The following GLI2 variants were observed in gnomAD, a reference collection of about 807,000 sequenced individuals.
GLI2 encodes the protein transcription activator GLI2.
In GLI2, 22 loss-of-function variants were observed where a neutral mutation model predicts 78.9. The ratio of observed to expected loss-of-function variants is 0.28; its 90% CI spans 0.20 to 0.40. The LOEUF is 0.40. GLI2 is among the 10% of genes least tolerant of loss of function. GLI2 has a pLI of 1.00. For synonymous variants in GLI2, 974 were observed against 963.7 expected, an observed-to-expected ratio of 1.01 and a Z score of -0.20; for missense variants, 2,097 against 2,213.2, an observed-to-expected ratio of 0.95 and a Z score of 1.05.
At chr2:120,948,456 A>G (rs535999309) in intron 3 of GLI2, among the ~76,000 whole-genome samples, 49 of 152,204 alleles carry the variant, frequency 3.2e-4, no homozygotes, top group African/African-American at 1.2e-3. Flanking sequence ...ACCTTCCCCA[A>G]ATGGTGGCAA....
chr2:120,796,473 C>A (rs1684399285), intron 1 of GLI2, among the ~76,000 whole-genome samples: 1 of 152,220 alleles, frequency 6.6e-6, no homozygotes, highest in African/African-American at 2.4e-5. Context: ...TCCCTTCTGG[C>A]CACTACTCAA....
intron 2 of GLI2, among the ~76,000 whole-genome samples, chr2:120,822,308 A>C (rs985555468): frequency 1.3e-5 from 2 of 152,254 alleles, no homozygotes; most frequent in African/African-American, 2.4e-5. Context: ...TGCTATGGGC[A>C]TAGTGCCCTG....
chr2:120,988,629 G>A lies in GLI2; in HGVS notation c.2664G>A (p.Leu888=), dbSNP rs1231772830. The change falls in exon 14 of 14, where the codon CTG becomes CTA. Residue 888 remains leucine, a synonymous_variant. Coordinates refer to ENST00000361492, the MANE Select transcript of GLI2 (RefSeq NM_001374353.1). ...AATGGPPPTP[L]PGLERMSLRT... The stretch of plus-strand genomic sequence containing the variant: ...CTGGCGGCCCCCCGCCCACTCCGCT[G>A]CCGGGCCTGGAGCGCATGAGCCTGC... 2 of 1,452,514 alleles carry A rather than the reference G, an allele frequency of 1.4e-6. No individual in the cohort carries two copies. The highest frequency in any genetic ancestry group is 5.0e-5 in the Admixed American group (2 of 40,226). The allele number at this position is 1,452,514 out of a possible 1,614,324, so 90.0% of individuals were successfully genotyped here. A position where few individuals can be genotyped will look rare whatever the true frequency, so the allele number is the denominator to read the frequency against.
intron 3 of GLI2, among the ~76,000 whole-genome samples, chr2:120,928,105 G>A (rs6750250): frequency 0.91 from 138,870 of 152,080 alleles, 63,623 homozygotes; most frequent in East Asian, 1. Flanking sequence ...TATCCCATCC[G>A]TCCTCCTTCC....
Position 120,986,320 on chromosome 2 carries a change from G to A in GLI2, c.1948G>A (p.Glu650Lys), listed in dbSNP as rs776972968. The A allele has an allele frequency of 6.8e-6, 11 of 1,613,334 alleles. No homozygotes were observed. Among genetic ancestry groups the A allele is most frequent in the South Asian group, 3.3e-5 (3 of 91,082 alleles). Reference protein sequence around the residue: ...SPGAQSSCSSEPSPLGSAPNN... With the variant: ...SPGAQSSCSSKPSPLGSAPNN... ...CGGGGCCCAGTCGTCCTGCAGCAGC[G>A]AGCCCTCTCCTCTGGGCAGTGCCCC... Residue 650 changes from glutamate (E) to lysine (K), a missense_variant, in exon 13 of 14, where the codon GAG (glutamate) becomes AAG (lysine). Glu to Lys is a moderately conservative substitution (Grantham distance 56, BLOSUM62 1). Transcript: ENST00000361492.
At chr2:120,939,525 G>A (rs1052638211) in intron 3 of GLI2, among the ~76,000 whole-genome samples, 8 of 152,198 alleles carry the variant, frequency 5.3e-5, no homozygotes, top group East Asian at 1.9e-4. Context: ...GTATTAATTC[G>A]TTTTGCTTTG....
chr2:120,852,598 A>C (rs868126883), intron 2 of GLI2, among the ~76,000 whole-genome samples: 2 of 152,166 alleles, frequency 1.3e-5, no homozygotes, highest in African/African-American at 4.8e-5. Context: ...CAGGGGAGGT[A>C]GCTGTTTATG....
rs746377399 is a variant in GLI2 at position 120,968,856 on chromosome 2, C to A, written c.786C>A (p.Asn262Lys). 11 of 1,613,826 alleles carry A rather than the reference C, an allele frequency of 6.8e-6. No homozygotes were observed. The East Asian group carries it at 2.5e-4, about 36-fold the overall frequency. ...ACTCGCTAGTGGCCTACATCAACAA[C>A]TCCCGAAGCAGCTCGGCGGCCAGCG... is the stretch of plus-strand genomic sequence containing the variant. ...SPNSLVAYIN[N>K]SRSSSAASGS... Residue 262 changes from asparagine to lysine, a missense_variant, in exon 6 of 14, where the codon AAC (asparagine) becomes AAA (lysine). Coordinates refer to ENST00000361492, the MANE Select transcript of GLI2 (RefSeq NM_001374353.1).
At chr2:120,918,819 C>T (rs1235842154) in intron 2 of GLI2, among the ~76,000 whole-genome samples, 1 of 152,216 alleles carries the variant, frequency 6.6e-6, no homozygotes, top group African/African-American at 2.4e-5. Context: ...TTGGAACACT[C>T]ATTACTTGCT....
At chr2:120,782,490 G>C (rs769461087) in intron 1 of GLI2, among the ~76,000 whole-genome samples, 1 of 152,200 alleles carries the variant, frequency 6.6e-6, no homozygotes, top group South Asian at 2.1e-4. Context: ...AGATAACTGA[G>C]GTGTGGCGAA....
At chr2:120,751,707 CT>C (rs974239654) in intron 1 of GLI2, among the ~76,000 whole-genome samples, 16 of 152,102 alleles carry the variant, frequency 1.1e-4, no homozygotes, top group African/African-American at 3.6e-4. Flanking sequence ...GGGCCTTTTT[CT>C]GTTTATGTTT....
chr2:120,773,456 A>C (rs946529778), intron 1 of GLI2, among the ~76,000 whole-genome samples: 3 of 152,146 alleles, frequency 2.0e-5, no homozygotes, highest in Non-Finnish European at 4.4e-5. Context: ...GGGGCTCCTC[A>C]TTCAGGCACT....
At chr2:120,844,200 T>TATGG (rs1266045856) in intron 2 of GLI2, among the ~76,000 whole-genome samples, 17 of 152,126 alleles carry the variant, frequency 1.1e-4, no homozygotes, top group Non-Finnish European at 2.1e-4. Flanking sequence ...AGGCCATACG[T>TATGG]ATGGTCTCTG....
rs767762452 is a variant in GLI2, at chr2:120,974,998, A to C, written c.1206A>C (p.Glu402Asp). 1 of 1,614,062 alleles carries C rather than the reference A, an allele frequency of 6.2e-7. No homozygotes were observed. The highest frequency in any genetic ancestry group is 1.3e-5 in the African/African-American group (1 of 74,936). The change falls in exon 9 of 14, where the codon GAA (glutamate) becomes GAC (aspartate). Residue 402 changes from glutamate (E) to aspartate (D), a missense_variant. Around this residue, in one of 5 missense-constraint regions of GLI2, gnomAD observed 578 missense variants for 612.0 expected, o/e 0.94. Transcript: ENST00000361492. ...LTQEQLADLK[E>D]DLDRDDCKQE... is the part of the protein sequence containing the mutation. ...AGGAGCAGCTGGCTGACCTCAAGGA[A>C]GATCTGGACAGGGATGACTGTAAGC... is the stretch of plus-strand genomic sequence containing the variant.
At chr2:120,968,625 C>T (rs1681974131) in intron 5 of GLI2, 89 bp from the exon 6 acceptor site, 2 of 992,044 alleles carry the variant, frequency 2.0e-6, no homozygotes, top group Admixed American at 1.7e-5. Context: ...TTAGACCATC[C>T]TTGCAGGCTC....
At chr2:120,897,366 C>T (rs527823979) in intron 2 of GLI2, among the ~76,000 whole-genome samples, 2 of 147,498 alleles carry the variant, frequency 1.4e-5, no homozygotes, top group Non-Finnish European at 3.1e-5. Flanking sequence ...TGAACACTAC[C>T]GCTTTCCTAC....
At position 120,954,847 on chromosome 2, in the gene GLI2, G is replaced by T. The variant is rs556395246; in HGVS notation, c.458-398G>T. 7.4e-4 allele frequency among the ~76,000 whole-genome samples: 112 copies of T among 152,286 alleles called. 1 individual carries two copies. The Middle Eastern group carries it at 0.02, about 28-fold the overall frequency. On this transcript the variant is annotated intron_variant, in intron 4 of 13. Transcript: ENST00000361492. ...TGAATGTTCAGGCACAGACTGACCT[G>T]GCCCAGCCGCGTGCCGCTGAAGTGC...
intron 2 of GLI2, among the ~76,000 whole-genome samples, chr2:120,831,668 C>T (rs921631935): frequency 3.9e-5 from 6 of 152,140 alleles, no homozygotes; most frequent in South Asian, 2.1e-4. Flanking sequence ...ACACAGCCCC[C>T]GGTGGTGCAG....
At chr2:120,745,928 C>T (rs369879430) in intron 1 of GLI2, among the ~76,000 whole-genome samples, 6 of 152,138 alleles carry the variant, frequency 3.9e-5, no homozygotes, top group East Asian at 1.9e-4. Flanking sequence ...CTGGGGGCCC[C>T]GTGAGAAGGG....
Sources: gnomAD v4.1 joint callset for allele counts (sites outside exome capture counted in the v4.1 genomes callset) on GRCh38, gnomAD v4.1.1 for gene constraint, gnomAD v4.1.1 regional missense constraint, MANE v1.5 for transcripts, NCBI Gene and HGNC (gene_info 2026-07-23, HGNC 2026-07-21) for gene names.